Variants in ADAP2 observed in about 807,000 individuals in gnomAD.
The protein encoded by ADAP2 is arf-GAP with dual PH domain-containing protein 2.
In ADAP2, 42 loss-of-function variants were observed where a neutral mutation model predicts 54.9. The observed-to-expected ratio is 0.77, with a 90% CI of 0.60 to 0.99. The LOEUF (loss-of-function observed/expected upper bound fraction) is 0.99. Among genes scored for constraint, ADAP2 ranks in the 50% least tolerant of loss-of-function variants. The probability of loss-of-function intolerance (pLI) is 0.00; values close to 1 mark genes in which losing one functional copy is unlikely to be tolerated. For synonymous variants in ADAP2, 177 were observed against 180.1 expected (o/e 0.98, Z 0.14); for missense variants, 429 against 480.4 (o/e 0.89, Z 1.00).
intron 4 of ADAP2, among the ~76,000 whole-genome samples, chr17:30,933,302 C>T (rs928640417): frequency 2.0e-5 from 3 of 151,940 alleles, no homozygotes; most frequent in African/African-American, 7.3e-5. Flanking sequence ...ATTCTCATGC[C>T]TCAGTCTCCC....
intron 7 of ADAP2, among the ~76,000 whole-genome samples, chr17:30,949,627 T>TA (rs1229509864): frequency 6.6e-6 from 1 of 151,766 alleles, no homozygotes; most frequent in Non-Finnish European, 1.5e-5. Flanking sequence ...CAGGCGCCTG[T>TA]AGTCCCAGCT....
chr17:30,940,325 G>A (rs1912181595), intron 5 of ADAP2, among the ~76,000 whole-genome samples: 1 of 147,278 alleles, frequency 6.8e-6, no homozygotes, highest in Non-Finnish European at 1.5e-5. Context: ...TTTTTTTCGA[G>A]ATGGAGTCTC....
intron 5 of ADAP2, among the ~76,000 whole-genome samples, chr17:30,941,130 G>C (rs576951044): frequency 6.6e-6 from 1 of 152,248 alleles, no homozygotes; most frequent in African/African-American, 2.4e-5. Context: ...ACTGATCTGG[G>C]TGCAATGGCA....
chr17:30,944,261 T>A lies in ADAP2; in HGVS notation c.511-646T>A, dbSNP rs1043854823. The stretch of plus-strand genomic sequence containing the variant: ...TGGATTGATCTGGAGAACATTATCT[T>A]AAGTAACTAACAAAGGAACAGAAAA... On this transcript the variant is annotated intron_variant, in intron 5 of 10. Transcript: ENST00000330889. Among the ~76,000 whole-genome samples the A allele has an allele frequency of 6.6e-5, 10 of 152,284 alleles. No individual in the cohort carries two copies. The East Asian group carries it at 1.9e-3, about 29-fold the overall frequency.
intron 9 of ADAP2, 57 bp downstream of exon 9, chr17:30,954,612 T>C: frequency 6.9e-7 from 1 of 1,446,556 alleles, no homozygotes; most frequent in Non-Finnish European, 9.7e-7. Context: ...TGGGTGGTGC[T>C]TGTCTGGAAC....
At chr17:30,928,190 C>CAAAA (rs1168453604) in intron 3 of ADAP2, among the ~76,000 whole-genome samples, 2 of 33,206 alleles carry the variant, frequency 6.0e-5, no homozygotes, top group South Asian at 9.9e-4. Context: ...GAGACTGTCT[C>CAAAA]AAAAAAAAAA....
chr17:30,926,797 AT>A (rs764209479), intron 2 of ADAP2, 29 bp from the exon 3 acceptor site: 12 of 1,603,852 alleles, frequency 7.5e-6, no homozygotes, highest in Non-Finnish European at 1.0e-5. Context: ...TCAAGTTCTA[AT>A]ATTACCTCAG....
intron 3 of ADAP2, among the ~76,000 whole-genome samples, chr17:30,929,379 T>C (rs1434045968): frequency 6.6e-6 from 1 of 152,218 alleles, no homozygotes; most frequent in Non-Finnish European, 1.5e-5. Context: ...CGAGAGGGCC[T>C]GTCTCATCCT....
chr17:30,949,573 C>T (rs1904445130), intron 7 of ADAP2, among the ~76,000 whole-genome samples: 1 of 151,884 alleles, frequency 6.6e-6, no homozygotes, highest in African/African-American at 2.4e-5. Flanking sequence ...ACGGTGAAAC[C>T]CCGTCTCTAC....
Position 30,932,422 on chromosome 17 carries a change from A to T in ADAP2, c.397+454A>T, listed in dbSNP as rs914793437. 6.8e-4 allele frequency among the ~76,000 whole-genome samples: 102 copies of T among 150,528 alleles called. 2 individuals carry two copies. The highest frequency in any genetic ancestry group is 2.3e-3 in the African/African-American group (94 of 41,060). On this transcript the variant is annotated intron_variant, in intron 4 of 10. Transcript: ENST00000330889. Reference sequence around the variant, plus strand: ...TAATTTTAGTGGCTTTTATTTTTTTATTTTTATTTTTTGTAGAGATGGGGT... The same window carrying T: ...TAATTTTAGTGGCTTTTATTTTTTTTTTTTTATTTTTTGTAGAGATGGGGT...
chr17:30,945,764 A>T (rs1388633418), intron 6 of ADAP2, among the ~76,000 whole-genome samples: 2 of 150,226 alleles, frequency 1.3e-5, no homozygotes, highest in African/African-American at 4.9e-5. Context: ...CTCAAAAAAC[A>T]AAACAAAACA....
Position 30,937,428 on chromosome 17 carries a change from A to G in ADAP2, c.510+3131A>G, listed in dbSNP as rs140114362. Among the ~76,000 whole-genome samples the G allele has an allele frequency of 2.1e-3, 324 of 151,318 alleles. 2 individuals are homozygous for G. Among genetic ancestry groups the G allele is most frequent in the South Asian group, 3.6e-3 (17 of 4,784 alleles). ...GTAGAGACAGGGTTTCACCATGTTG[A>G]CCAGGCTGATTTAGAACTCCTAACC... is the stretch of plus-strand genomic sequence containing the variant. On this transcript the variant is annotated intron_variant, in intron 5 of 10. Coordinates refer to ENST00000330889, the MANE Select transcript of ADAP2 (RefSeq NM_018404.3).
At position 30,958,296 on chromosome 17, in the gene ADAP2, C is replaced by T. The variant is rs1051842746; in HGVS notation, c.*427C>T. 4 of 175,418 alleles carry T rather than the reference C, an allele frequency of 2.3e-5. No individual in the cohort carries two copies. Among genetic ancestry groups the T allele is most frequent in the African/African-American group, 9.5e-5 (4 of 42,150 alleles). The allele number at this position is 175,418 out of a possible 1,614,324, so 10.9% of individuals were successfully genotyped here. A position where few individuals can be genotyped will look rare whatever the true frequency, so the allele number is the denominator to read the frequency against. ...TCCACATTAGGGGCATTCTGCTAAA[C>T]ATCTGACCCAGACTCTTCAAAAATG... is the stretch of plus-strand genomic sequence containing the variant. On this transcript the variant is annotated 3_prime_UTR_variant, in exon 11 of 11. Coordinates refer to ENST00000330889, the MANE Select transcript of ADAP2 (RefSeq NM_018404.3).
intron 2 of ADAP2, 60 bp downstream of exon 2, chr17:30,923,130 C>T: frequency 1.3e-6 from 2 of 1,590,006 alleles, no homozygotes; most frequent in Non-Finnish European, 1.7e-6. Context: ...AGGCAGCGGG[C>T]AGGGGGCTCC....
At position 30,922,246 on chromosome 17, in the gene ADAP2, C is replaced by T. The variant is rs1394010310; in HGVS notation, c.94+138C>T. Reference sequence around the variant, plus strand: ...GGCACCTGCGGGCCCCGACCCCTCCCACCCACACCGTGAACCTCTCACCCG... The same window carrying T: ...GGCACCTGCGGGCCCCGACCCCTCCTACCCACACCGTGAACCTCTCACCCG... On this transcript the variant is annotated intron_variant, in intron 1 of 10. Transcript: ENST00000330889. 7.7e-6 allele frequency: 4 copies of T among 517,294 alleles called. No individual in the cohort carries two copies. In the African/African-American group the frequency reaches 8.0e-5, roughly 10 times the overall value. 32.0% of individuals were successfully genotyped at this position (517,294 alleles called of 1,614,324 possible).
chr17:30,943,520 A>G (rs971161507), intron 5 of ADAP2, among the ~76,000 whole-genome samples: 2 of 152,202 alleles, frequency 1.3e-5, no homozygotes, highest in Non-Finnish European at 2.9e-5. Context: ...GAAATGTGGT[A>G]CATAAACATC....
chr17:30,927,020 TGG>T, intron 3 of ADAP2, 102 bp downstream of exon 3: 1 of 877,840 alleles, frequency 1.1e-6, no homozygotes, highest in Non-Finnish European at 1.8e-6. Flanking sequence ...GTCTCTTCTA[TGG>T]GCCTGGTGCG....
chr17:30,940,494 G>T (rs1450549257), intron 5 of ADAP2, among the ~76,000 whole-genome samples: 1 of 151,968 alleles, frequency 6.6e-6, no homozygotes, highest in African/African-American at 2.4e-5. Context: ...TAGTAGAGAC[G>T]GGGTTTCACC....
At chr17:30,925,178 CCAGCATTTTTTTTTTTTTT>C (rs1910940101) in intron 2 of ADAP2, among the ~76,000 whole-genome samples, 1 of 143,902 alleles carries the variant, frequency 6.9e-6, no homozygotes, top group Admixed American at 7.0e-5. Flanking sequence ...GCCACCGTGC[CCAGCATTTTTTTTTTTTTT>C]TTTTTTGAGA....
Sources: gnomAD v4.1 joint callset for allele counts (sites outside exome capture counted in the v4.1 genomes callset) on GRCh38, gnomAD v4.1.1 for gene constraint, MANE v1.5 for transcripts, NCBI Gene and HGNC (gene_info 2026-07-23, HGNC 2026-07-21) for gene names.